Variants in OR11A1 observed in about 807,000 individuals in gnomAD.
OR11A1 encodes the protein olfactory receptor 11A1.
For missense variants in OR11A1, 380 were observed against 378.2 expected (o/e 1.00, Z -0.04); for synonymous variants, 158 against 152.2 (o/e 1.04, Z -0.28).
Position 29,440,647 on chromosome 6 carries a change from GCCTCAT to G in OR11A1, c.-388-8666_-388-8661del, listed in dbSNP as rs756021908. On this transcript the variant is annotated intron_variant, in intron 1 of 4. Coordinates refer to ENST00000377149, the MANE Select transcript of OR11A1 (RefSeq NM_001394828.1). ...GCCCTCCTCATCCTCTGCCCCTTTG[GCCTCAT>G]CCTGGGCTCCTACGGGCGTATCCTC... 4.3e-6 allele frequency: 7 copies of G among 1,614,090 alleles called. No homozygotes were observed. In the South Asian group the frequency reaches 6.6e-5, roughly 15 times the overall value.
In OR11A1 at chr6:29,448,616, G is replaced by A. The variant is rs546055156; in HGVS notation, c.-389+8371C>T. 3.9e-5 allele frequency among the ~76,000 whole-genome samples: 6 copies of A among 152,240 alleles called. No homozygotes were observed. In the South Asian group the frequency reaches 1.2e-3, roughly 32 times the overall value. The stretch of plus-strand genomic sequence containing the variant: ...AACTGTCGGCAAAAGCCCCATTTTC[G>A]AGTTGGCCAGTTCTGGCAATTTTCT... On this transcript the variant is annotated intron_variant, in intron 1 of 4. Transcript: ENST00000377149.
chr6:29,446,830 C>T (rs752330289), intron 1 of OR11A1, among the ~76,000 whole-genome samples: 36 of 152,228 alleles, frequency 2.4e-4, no homozygotes, highest in Non-Finnish European at 4.3e-4. Context: ...GATTTAGAGC[C>T]AAAGTAACTG....
At chr6:29,451,283 T>A (rs1429972113) in intron 1 of OR11A1, among the ~76,000 whole-genome samples, 2 of 152,138 alleles carry the variant, frequency 1.3e-5, no homozygotes, top group East Asian at 3.8e-4. Flanking sequence ...ATTCTGTACA[T>A]ACAAATGGGT....
At position 29,449,654 on chromosome 6, in the gene OR11A1, G is replaced by A. The variant is rs1183844285; in HGVS notation, c.-389+7333C>T. Among the ~76,000 whole-genome samples, 3 of 151,592 alleles carry A rather than the reference G, an allele frequency of 2.0e-5. No individual in the cohort carries two copies. The South Asian group carries it at 6.3e-4, about 32-fold the overall frequency. On this transcript the variant is annotated intron_variant, in intron 1 of 4. Transcript: ENST00000377149. The stretch of plus-strand genomic sequence containing the variant: ...ATCTTTCTCTTTTTTTTGTTGTTTT[G>A]GAGATGGAGTCTCGCTCTGACTCCC...
rs142718527 is a variant in OR11A1 at position 29,440,935 on chromosome 6, C to T, written c.-388-8948G>A. ...GCCCTAAAGAGAACCATCCAGAAAA[C>T]GGTGCCTATGGAGATTTGAAAAGGG... On this transcript the variant is annotated intron_variant, in intron 1 of 4. Transcript: ENST00000377149. The T allele has an allele frequency of 6.5e-5, 104 of 1,610,180 alleles. 1 individual carries two copies. The African/African-American group carries it at 8.9e-4, about 14-fold the overall frequency.
At chr6:29,433,453 T>G (rs1246790971) in intron 1 of OR11A1, among the ~76,000 whole-genome samples, 1 of 152,184 alleles carries the variant, frequency 6.6e-6, no homozygotes, top group Non-Finnish European at 1.5e-5. Context: ...GTGCCTGACT[T>G]ATTTCAGTTA....
intron 1 of OR11A1, among the ~76,000 whole-genome samples, chr6:29,444,353 G>C (rs746469491): frequency 6.6e-6 from 1 of 152,170 alleles, no homozygotes; most frequent in Non-Finnish European, 1.5e-5. Flanking sequence ...CCTTGGGTAA[G>C]TCTTTATCAG....
At chr6:29,438,934 G>T (rs752660518) in intron 1 of OR11A1, among the ~76,000 whole-genome samples, 7 of 152,204 alleles carry the variant, frequency 4.6e-5, no homozygotes, top group Non-Finnish European at 7.3e-5. Context: ...CACTGAAAGA[G>T]CCCCCAGAGG....
In OR11A1 at chr6:29,427,402, C is replaced by A. The variant is rs1782907130; in HGVS notation, c.240G>T (p.Met80Ile). ...GCAGGAAGCCCTCCAGCATTTTTGG[C>A]ATCACTGCGGAGGTGTAGAGAATAT... ...FLDILYTSAV[M>I]PKMLEGFLQE... Residue 80 changes from methionine to isoleucine, a missense_variant, in exon 5 of 5, where the codon ATG (methionine) becomes ATT (isoleucine). Coordinates refer to ENST00000377149, the MANE Select transcript of OR11A1 (RefSeq NM_001394828.1). 2 of 1,612,976 alleles carry A rather than the reference C, an allele frequency of 1.2e-6. No individual in the cohort carries two copies. The highest frequency in any genetic ancestry group is 1.3e-5 in the African/African-American group (1 of 74,912).
intron 1 of OR11A1, chr6:29,441,056 C>A: frequency 1.3e-6 from 1 of 758,854 alleles, no homozygotes; most frequent in East Asian, 2.6e-5. Flanking sequence ...TAGGGGAGGG[C>A]CAGCCTGTCA....
intron 1 of OR11A1, chr6:29,440,233 CGTCT>C (rs762408208): frequency 1.2e-6 from 2 of 1,613,840 alleles, no homozygotes. Context: ...ATTGGCTATA[CGTCT>C]GTCACGGTCC....
chr6:29,433,119 T>C (rs968408558), intron 1 of OR11A1, among the ~76,000 whole-genome samples: 1 of 152,212 alleles, frequency 6.6e-6, no homozygotes, highest in African/African-American at 2.4e-5. Flanking sequence ...GACATATGTA[T>C]ACATCATGGA....
chr6:29,428,073 C>G (rs1782977041), intron 4 of OR11A1: 1 of 297,386 alleles, frequency 3.4e-6, no homozygotes. Context: ...CAACTGCAAA[C>G]TCTTCTATCT....
intron 1 of OR11A1, among the ~76,000 whole-genome samples, chr6:29,443,832 T>C (rs1284402810): frequency 6.6e-6 from 1 of 152,202 alleles, no homozygotes; most frequent in Non-Finnish European, 1.5e-5. Context: ...ATCTAGTTTC[T>C]GGTCTCACTT....
intron 1 of OR11A1, among the ~76,000 whole-genome samples, chr6:29,441,917 T>C (rs1484486968): frequency 6.6e-6 from 1 of 152,172 alleles, no homozygotes; most frequent in Non-Finnish European, 1.5e-5. Context: ...ACATAATCTG[T>C]TTGTTTTTTG....
intron 1 of OR11A1, among the ~76,000 whole-genome samples, chr6:29,451,246 A>C (rs1325755740): frequency 2.6e-5 from 4 of 152,204 alleles, no homozygotes; most frequent in African/African-American, 9.6e-5. Context: ...AACTATAAAA[A>C]CCTTGGGAGA....
At chr6:29,438,931 A>G (rs1783867473) in intron 1 of OR11A1, among the ~76,000 whole-genome samples, 1 of 152,250 alleles carries the variant, frequency 6.6e-6, no homozygotes, top group African/African-American at 2.4e-5. Context: ...AAACACTGAA[A>G]GAGCCCCCAG....
At position 29,440,584 on chromosome 6, in the gene OR11A1, A is replaced by T. The variant is rs1427846245; in HGVS notation, c.-388-8597T>A. 3.7e-6 allele frequency: 6 copies of T among 1,613,698 alleles called. No homozygotes were observed. In the East Asian group the frequency reaches 8.9e-5, roughly 24 times the overall value. On this transcript the variant is annotated intron_variant, in intron 1 of 4. Transcript: ENST00000377149. ...CCTGTCCTGCAGCTGGTATGTGGAGACACCTCGCTTAATGAACTGCAGATT... is the reference window on the plus strand; with the variant it reads ...CCTGTCCTGCAGCTGGTATGTGGAGTCACCTCGCTTAATGAACTGCAGATT...
intron 1 of OR11A1, among the ~76,000 whole-genome samples, chr6:29,451,441 G>A (rs1785363539): frequency 6.6e-6 from 1 of 152,114 alleles, no homozygotes; most frequent in African/African-American, 2.4e-5. Flanking sequence ...GAAAATGTTT[G>A]CAAACTATGC....
Sources: gnomAD v4.1 joint callset for allele counts (sites outside exome capture counted in the v4.1 genomes callset) on GRCh38, gnomAD v4.1.1 for gene constraint, MANE v1.5 for transcripts, NCBI Gene and HGNC (gene_info 2026-07-23, HGNC 2026-07-21) for gene names.